SLC35D4: variants seen among roughly 807,000 people sequenced by gnomAD.
The protein encoded by SLC35D4 is solute carrier family 35 member D4.
the SLC35D4 span, among the ~76,000 whole-genome samples, chr18:23,393,215 T>G: frequency 6.6e-6 from 1 of 151,968 alleles, no homozygotes. Context: ...GAGCCTGGCC[T>G]AGATTATTTT....
chr18:23,397,519 G>C, the SLC35D4 span, among the ~76,000 whole-genome samples: 1 of 152,246 alleles, frequency 6.6e-6, no homozygotes, highest in South Asian at 2.1e-4. Flanking sequence ...ACTGGATTCT[G>C]AGTGTAATAC....
At chr18:23,357,579 G>C in the SLC35D4 span, among the ~76,000 whole-genome samples, 4 of 152,238 alleles carry the variant, frequency 2.6e-5, no homozygotes, top group Non-Finnish European at 2.9e-5. Flanking sequence ...GGGCCTGGGG[G>C]AGAGGGCTGA....
the SLC35D4 span, among the ~76,000 whole-genome samples, chr18:23,284,816 T>C: frequency 5.9e-5 from 9 of 152,230 alleles, no homozygotes; most frequent in East Asian, 9.6e-4. Context: ...TGGAACATGA[T>C]TGGTCTTCTC....
At chr18:23,317,720 A>G in the SLC35D4 span, among the ~76,000 whole-genome samples, 1 of 151,790 alleles carries the variant, frequency 6.6e-6, no homozygotes, top group East Asian at 1.9e-4. Flanking sequence ...GATTAGATAT[A>G]CTTTGTCTTT....
chr18:23,355,640 C>CCACTAG, the SLC35D4 span, among the ~76,000 whole-genome samples: 1 of 150,960 alleles, frequency 6.6e-6, no homozygotes, highest in African/African-American at 2.4e-5. Flanking sequence ...CAGGACATAC[C>CCACTAG]CACTAGCCAC....
chr18:23,355,471 C>T, the SLC35D4 span, among the ~76,000 whole-genome samples: 13 of 152,284 alleles, frequency 8.5e-5, 1 homozygote, highest in South Asian at 2.5e-3. Flanking sequence ...AGCTAACGGG[C>T]AAGGCCTAAC....
the SLC35D4 span, among the ~76,000 whole-genome samples, chr18:23,305,855 C>T: frequency 1.3e-5 from 2 of 152,190 alleles, no homozygotes; most frequent in Non-Finnish European, 2.9e-5. Context: ...ACTGCAGAGG[C>T]AGTGATTTTT....
the SLC35D4 span, among the ~76,000 whole-genome samples, chr18:23,387,071 G>C: frequency 6.6e-6 from 1 of 152,076 alleles, no homozygotes; most frequent in African/African-American, 2.4e-5. Context: ...AACCACGCCC[G>C]GTTAATTTTT....
At chr18:23,432,584 G>A in the SLC35D4 span, among the ~76,000 whole-genome samples, 25 of 151,840 alleles carry the variant, frequency 1.6e-4, no homozygotes, top group African/African-American at 5.8e-4. Flanking sequence ...AGGAGGCTGC[G>A]GCAGGATAAT....
At chr18:23,360,685 G>T in the SLC35D4 span, among the ~76,000 whole-genome samples, 1 of 152,130 alleles carries the variant, frequency 6.6e-6, no homozygotes, top group African/African-American at 2.4e-5. Context: ...TATAAGTTAC[G>T]CAGGTGTGTA....
the SLC35D4 span, among the ~76,000 whole-genome samples, chr18:23,305,326 C>T: frequency 6.6e-6 from 1 of 152,198 alleles, no homozygotes; most frequent in Non-Finnish European, 1.5e-5. Context: ...TCCCTTATAA[C>T]TCCCTCATGA....
the SLC35D4 span, among the ~76,000 whole-genome samples, chr18:23,340,332 CT>C: frequency 6.6e-6 from 1 of 151,326 alleles, no homozygotes; most frequent in Admixed American, 6.6e-5. Flanking sequence ...GATCCTGTCT[CT>C]AAAAAAAAAA....
At chr18:23,320,770 CTGCCT>C in the SLC35D4 span, among the ~76,000 whole-genome samples, 76 of 152,346 alleles carry the variant, frequency 5.0e-4, no homozygotes, top group African/African-American at 1.8e-3. Flanking sequence ...TGGTGGATCT[CTGCCT>C]CCTCATCCAC....
chr18:23,280,654 T>TA, the SLC35D4 span, among the ~76,000 whole-genome samples: 14 of 152,308 alleles, frequency 9.2e-5, no homozygotes, highest in African/African-American at 2.9e-4. Context: ...CTGACCACTT[T>TA]ACTCTCCCCT....
chr18:23,275,239 C>T, the SLC35D4 span, among the ~76,000 whole-genome samples: 24 of 152,218 alleles, frequency 1.6e-4, no homozygotes, highest in African/African-American at 5.8e-4. Flanking sequence ...AACTCATGCA[C>T]TCACACGGCC....
At chr18:23,330,606 C>T in the SLC35D4 span, among the ~76,000 whole-genome samples, 1 of 152,146 alleles carries the variant, frequency 6.6e-6, no homozygotes, top group Non-Finnish European at 1.5e-5. Context: ...CTGGGGACGC[C>T]TGGCATTCAG....
the SLC35D4 span, among the ~76,000 whole-genome samples, chr18:23,368,343 G>A: frequency 6.6e-6 from 1 of 152,210 alleles, no homozygotes; most frequent in African/African-American, 2.4e-5. Flanking sequence ...CCTTGGGCCT[G>A]GGAATGAGTT....
chr18:23,249,889 C>G, the SLC35D4 span, among the ~76,000 whole-genome samples: 1 of 152,180 alleles, frequency 6.6e-6, no homozygotes. Context: ...GCATGGGGCA[C>G]GAGCTGGAAG....
the SLC35D4 span, chr18:23,309,614 A>T: frequency 6.8e-7 from 1 of 1,465,610 alleles, no homozygotes; most frequent in Non-Finnish European, 9.6e-7. Context: ...TTTGAGAGCA[A>T]AATTTAGTAT....
Sources: allele counts gnomAD v4.1 joint callset (sites outside exome capture counted in the v4.1 genomes callset), GRCh38; gene constraint gnomAD v4.1.1; transcripts MANE v1.5; gene names NCBI Gene and HGNC (gene_info 2026-07-23, HGNC 2026-07-21).